Variants in SLCO3A1 observed in about 807,000 individuals in gnomAD.
SLCO3A1 encodes PGE1 transporter.
Under a neutral mutation model 63.1 loss-of-function variants are expected in SLCO3A1, and 27 were observed. That is an observed-to-expected ratio of 0.43 (90% CI 0.32 to 0.59). The LOEUF is 0.59. Ranked by LOEUF, SLCO3A1 falls within the 20% of genes least tolerant of loss-of-function variation. The pLI is 0.09. For missense variants in SLCO3A1, 773 were observed against 945.8 expected (o/e 0.82, Z 2.40); for synonymous variants, 473 against 409.9 (o/e 1.15, Z -1.86).
chr15:91,915,232 T>G (rs1898614808), intron 1 of SLCO3A1, among the ~76,000 whole-genome samples: 1 of 152,116 alleles, frequency 6.6e-6, no homozygotes, highest in South Asian at 2.1e-4. Context: ...CTCCATCACT[T>G]TTCTCTTGTG....
chr15:91,994,121 C>G (rs754646832), intron 2 of SLCO3A1, among the ~76,000 whole-genome samples: 4 of 152,138 alleles, frequency 2.6e-5, no homozygotes, highest in Non-Finnish European at 5.9e-5. Flanking sequence ...TTGTATTAAG[C>G]CTCCGTGTTT....
At chr15:92,149,779 G>C (rs1386598238) in intron 8 of SLCO3A1, 1 of 152,194 alleles carries the variant, frequency 6.6e-6, no homozygotes, top group Non-Finnish European at 1.5e-5. Context: ...AGTGACATAT[G>C]ATAGCTGAAA....
In SLCO3A1 at chr15:91,921,278, T is replaced by G. The variant is rs144190371; in HGVS notation, c.646+4820T>G. 5.2e-3 allele frequency among the ~76,000 whole-genome samples: 787 copies of G among 152,350 alleles called. 3 individuals carry two copies. The highest frequency in any genetic ancestry group is 0.015 in the African/African-American group (630 of 41,574). On this transcript the variant is annotated intron_variant, in intron 2 of 9. Coordinates refer to ENST00000318445, the MANE Select transcript of SLCO3A1 (RefSeq NM_013272.4). ...TCCTCTTACAAGGTCGCCAGTCACA[T>G]TGGTTTAAACCCACCCATATTAGCT...
intron 1 of SLCO3A1, among the ~76,000 whole-genome samples, chr15:91,869,970 T>A (rs924485532): frequency 6.6e-6 from 1 of 152,130 alleles, no homozygotes; most frequent in Non-Finnish European, 1.5e-5. Context: ...CTGAGGGCTG[T>A]TCACAGAATT....
At chr15:92,029,072 A>T (rs1459680818) in intron 2 of SLCO3A1, among the ~76,000 whole-genome samples, 1 of 152,176 alleles carries the variant, frequency 6.6e-6, no homozygotes, top group Admixed American at 6.5e-5. Context: ...ATTAAATTAC[A>T]TCCTGTTGCC....
intron 1 of SLCO3A1, among the ~76,000 whole-genome samples, chr15:91,880,170 C>CATCTATCT (rs57860021): frequency 5.1e-4 from 64 of 126,266 alleles, no homozygotes; most frequent in African/African-American, 1.6e-3. Flanking sequence ...TCCATCCATC[C>CATCTATCT]ATCTATCTAT....
intron 2 of SLCO3A1, among the ~76,000 whole-genome samples, chr15:92,071,561 G>A (rs28665051): frequency 0.14 from 21,770 of 152,172 alleles, 1,602 homozygotes; most frequent in African/African-American, 0.17. Flanking sequence ...ATAATTGTCC[G>A]CCAGCACTAG....
chr15:91,979,925 C>G (rs773815513), intron 2 of SLCO3A1, among the ~76,000 whole-genome samples: 20 of 152,340 alleles, frequency 1.3e-4, no homozygotes, highest in Admixed American at 4.6e-4. Context: ...AACATCAACT[C>G]TCCTAGTCAG....
At chr15:91,978,470 A>T (rs543614918) in intron 2 of SLCO3A1, among the ~76,000 whole-genome samples, 2 of 152,198 alleles carry the variant, frequency 1.3e-5, no homozygotes, top group African/African-American at 2.4e-5. Context: ...CCACCAACTC[A>T]TCTAAGCCCT....
chr15:92,167,964 G>T (rs1477370666), downstream of SLCO3A1, among the ~76,000 whole-genome samples: 1 of 152,230 alleles, frequency 6.6e-6, no homozygotes, highest in Non-Finnish European at 1.5e-5. Flanking sequence ...GGCGTGCATT[G>T]CATGAGTTTG....
rs977395018 is a variant in SLCO3A1 at position 92,016,264 on chromosome 15, A to T, written c.647-78617A>T. Among the ~76,000 whole-genome samples, 271 of 129,884 alleles carry T rather than the reference A, an allele frequency of 2.1e-3. 3 individuals carry two copies. The highest frequency in any genetic ancestry group is 7.0e-3 in the African/African-American group (231 of 33,132). 85.2% of individuals were successfully genotyped at this position (129,884 alleles called of 152,430 possible). A position where few individuals can be genotyped will look rare whatever the true frequency, so the allele number is the denominator to read the frequency against. ...AGATAGATAGATAGATTAGATAGAT[A>T]GATAGATAGATAGATAGATGTTATA... On this transcript the variant is annotated intron_variant, in intron 2 of 9. Transcript: ENST00000318445.
At chr15:91,904,861 G>A (rs1898255372) in intron 1 of SLCO3A1, among the ~76,000 whole-genome samples, 1 of 152,068 alleles carries the variant, frequency 6.6e-6, no homozygotes, top group Non-Finnish European at 1.5e-5. Context: ...TCCAAGAGAG[G>A]ATATAATTAG....
At chr15:92,067,749 C>G (rs996665421) in intron 2 of SLCO3A1, among the ~76,000 whole-genome samples, 9 of 152,168 alleles carry the variant, frequency 5.9e-5, no homozygotes, top group African/African-American at 1.9e-4. Flanking sequence ...AGGAATCACA[C>G]CTATGTTAGT....
At chr15:92,074,785 G>T (rs549915991) in intron 2 of SLCO3A1, among the ~76,000 whole-genome samples, 3 of 151,624 alleles carry the variant, frequency 2.0e-5, no homozygotes, top group Admixed American at 6.6e-5. Flanking sequence ...GGGCGGTGGG[G>T]GGTGGCCAGG....
chr15:92,164,190 T>G lies in SLCO3A1; in HGVS notation c.*1055T>G. ...TTATGCTGGTTGCTTTTACTTTTTT[T>G]CTCCTTTTTTAATGCACCAAAAATA... On this transcript the variant is annotated 3_prime_UTR_variant, in exon 10 of 10. Transcript: ENST00000318445. 1.0e-6 allele frequency: 1 copy of G among 985,344 alleles called. No homozygotes were observed. Among genetic ancestry groups the G allele is most frequent in the Non-Finnish European group, 1.2e-6 (1 of 829,864 alleles). 61.0% of individuals were successfully genotyped at this position (985,344 alleles called of 1,614,324 possible). A position where few individuals can be genotyped will look rare whatever the true frequency, so the allele number is the denominator to read the frequency against.
intron 2 of SLCO3A1, among the ~76,000 whole-genome samples, chr15:92,031,520 C>T (rs971387879): frequency 5.3e-5 from 8 of 152,274 alleles, no homozygotes; most frequent in Middle Eastern, 3.4e-3. Flanking sequence ...AGCATCATTT[C>T]GTGGATCCCT....
intron 1 of SLCO3A1, among the ~76,000 whole-genome samples, chr15:91,903,460 C>T (rs989743136): frequency 5.9e-5 from 9 of 152,086 alleles, no homozygotes; most frequent in South Asian, 2.1e-4. Flanking sequence ...GACAGTGTGG[C>T]GAGGATGCTG....
intron 2 of SLCO3A1, among the ~76,000 whole-genome samples, chr15:92,020,443 C>G (rs972709168): frequency 6.6e-6 from 1 of 152,252 alleles, no homozygotes; most frequent in African/African-American, 2.4e-5. Context: ...TGTGGGCTGG[C>G]CCACTTGACC....
At chr15:91,922,683 TA>T (rs1898889677) in intron 2 of SLCO3A1, among the ~76,000 whole-genome samples, 1 of 152,196 alleles carries the variant, frequency 6.6e-6, no homozygotes, top group Non-Finnish European at 1.5e-5. Flanking sequence ...TCTGAAAAAA[TA>T]ATTAAAAAGC....
Sources: allele counts gnomAD v4.1 joint callset (sites outside exome capture counted in the v4.1 genomes callset), GRCh38; gene constraint gnomAD v4.1.1; transcripts MANE v1.5; gene names NCBI Gene and HGNC (gene_info 2026-07-23, HGNC 2026-07-21).